The following CASP4 variants were observed in gnomAD, a reference collection of about 807,000 sequenced individuals.
CASP4 encodes caspase-4.
In CASP4, 29 loss-of-function variants were observed where a neutral mutation model predicts 41.3. The observed-to-expected ratio is 0.70, with a 90% CI of 0.52 to 0.96. The LOEUF (loss-of-function observed/expected upper bound fraction) is 0.96. Ranked by LOEUF, CASP4 falls within the 40% of genes least tolerant of loss-of-function variation. The pLI is 0.00. For synonymous variants in CASP4, 185 were observed against 158.4 expected (o/e 1.17, Z -1.26); for missense variants, 447 against 460.6 (o/e 0.97, Z 0.27).
intron 1 of CASP4, among the ~76,000 whole-genome samples, chr11:104,959,714 A>G (rs1160512256): frequency 6.6e-6 from 1 of 152,092 alleles, no homozygotes; most frequent in Non-Finnish European, 1.5e-5. Flanking sequence ...ATACTAGTAA[A>G]TAATACCTAT....
At chr11:104,961,360 C>G (rs1203559419) in intron 1 of CASP4, among the ~76,000 whole-genome samples, 1 of 152,200 alleles carries the variant, frequency 6.6e-6, no homozygotes, top group Admixed American at 6.5e-5. Context: ...CTTCTCCTGA[C>G]TGGTTCTGTG....
At chr11:104,944,368 C>CTCTCTGTG (rs1491122445) in intron 8 of CASP4, 15 of 141,322 alleles carry the variant, frequency 1.1e-4, no homozygotes, top group African/African-American at 3.8e-4. Flanking sequence ...CTCTCTCTCT[C>CTCTCTGTG]TGTGTGTGTG....
intron 1 of CASP4, among the ~76,000 whole-genome samples, chr11:104,967,790 C>A (rs1861008859): frequency 6.6e-6 from 1 of 152,140 alleles, no homozygotes; most frequent in Non-Finnish European, 1.5e-5. Flanking sequence ...CCAATTTCTT[C>A]CTTTTCCTGT....
In CASP4 at chr11:104,949,270, C is replaced by T. The variant is rs575200782; in HGVS notation, c.781+273G>A. ...AGCTATCATGAAAATGATTCCATTCCAAAGTTTGAGTATTTCTGTTTAACT... is the reference window on the plus strand; with the variant it reads ...AGCTATCATGAAAATGATTCCATTCTAAAGTTTGAGTATTTCTGTTTAACT... On this transcript the variant is annotated intron_variant, in intron 5 of 8. Transcript: ENST00000444739. 11 of 455,306 alleles carry T rather than the reference C, an allele frequency of 2.4e-5. 1 individual carries two copies. In the South Asian group the frequency reaches 3.6e-4, roughly 15 times the overall value. The allele number at this position is 455,306 out of a possible 1,614,324, so 28.2% of individuals were successfully genotyped here.
rs775312424 is a variant in CASP4 at position 104,951,979 on chromosome 11, G to A, written c.289C>T (p.Pro97Ser). 2 of 1,612,206 alleles carry A rather than the reference G, an allele frequency of 1.2e-6. No individual in the cohort carries two copies. The highest frequency in any genetic ancestry group is 1.3e-5 in the African/African-American group (1 of 74,936). The stretch of plus-strand genomic sequence containing the variant: ...GCATCTGTAGATTCTCCTGACTCAG[G>A]TGGTCCAGCCTCCATATTCGGATGA... ...KAHPNMEAGPPESGESTDALK... is the reference protein window; with the variant it reads ...KAHPNMEAGPSESGESTDALK... The change falls in exon 3 of 9, where the codon CCT (proline) becomes TCT (serine). Residue 97 changes from proline (P) to serine (S), a missense_variant. Coordinates refer to ENST00000444739, the MANE Select transcript of CASP4 (RefSeq NM_001225.4).
rs112900780 is a variant in CASP4, at chr11:104,954,754, A to T, written c.255T>A (p.Asn85Lys). Residue 85 changes from asparagine (N) to lysine (K), a missense_variant, in exon 2 of 9, where the codon AAT becomes AAA. Physicochemically the swap from Asn to Lys is moderately conservative, Grantham distance 94. Coordinates refer to ENST00000444739, the MANE Select transcript of CASP4 (RefSeq NM_001225.4). The part of the protein sequence containing the change: ...TFFNIDQISP[N>K]KKAHPNMEAG... ...TAAAAAATCCAGTCTTACCTTTTTT[A>T]TTGGGGGATATTTGGTCTATGTTAA... 4.3e-6 allele frequency: 7 copies of T among 1,611,028 alleles called. No homozygotes were observed. The South Asian group carries it at 7.7e-5, about 18-fold the overall frequency.
At chr11:104,945,849 T>G (rs1565363081) in intron 7 of CASP4, among the ~76,000 whole-genome samples, 2 of 151,968 alleles carry the variant, frequency 1.3e-5, no homozygotes, top group Non-Finnish European at 2.9e-5. Flanking sequence ...CTACTTTTCT[T>G]TCTTTTTCTT....
rs745951817 is a variant in CASP4 at position 104,948,533 on chromosome 11, G to A, written c.925C>T (p.His309Tyr). The A allele has an allele frequency of 9.4e-6, 15 of 1,598,200 alleles. No homozygotes were observed. The highest frequency in any genetic ancestry group is 2.7e-5 in the African/African-American group (2 of 74,596). Residue 309 changes from histidine to tyrosine, a missense_variant and splice_region_variant, in exon 6 of 9, where the codon CAC becomes TAC. By Grantham distance (83) the His-to-Tyr change is moderately conservative. Coordinates refer to ENST00000444739, the MANE Select transcript of CASP4 (RefSeq NM_001225.4). ...CTTACTGCCACTGAAAGATACATAC[G>A]TGGCGTTGAAGAGCAGAAAGCAATG... is the stretch of plus-strand genomic sequence containing the variant. ...DFIAFCSSTP[H>Y]NVSWRDSTMG...
rs2134629768 is a variant in CASP4, at chr11:104,944,358, CTCTCTCTCTCTGTG to C, written c.*5+376_*5+389del. 5 of 106,020 alleles carry C rather than the reference CTCTCTCTCTCTGTG, an allele frequency of 4.7e-5. No homozygotes were observed. The South Asian group carries it at 1.4e-3, about 31-fold the overall frequency. 6.6% of individuals were successfully genotyped at this position (106,020 alleles called of 1,614,324 possible). ...GGCTACTTAGTGTCTCTCTCTCTCTCTCTCTCTCTCTGTGTGTGTGTGTGTGTGTGTGTGTGTAA... is the reference window on the plus strand; with the variant it reads ...GGCTACTTAGTGTCTCTCTCTCTCTCTGTGTGTGTGTGTGTGTGTGTGTAA... On this transcript the variant is annotated intron_variant, in intron 8 of 8. Coordinates refer to ENST00000444739, the MANE Select transcript of CASP4 (RefSeq NM_001225.4).
chr11:104,963,391 A>G (rs917894211), intron 1 of CASP4, among the ~76,000 whole-genome samples: 1 of 152,204 alleles, frequency 6.6e-6, no homozygotes, highest in Non-Finnish European at 1.5e-5. Flanking sequence ...GAAACAAACA[A>G]AAAACCCTCT....
chr11:104,945,439 G>A (rs1450250503), intron 7 of CASP4, among the ~76,000 whole-genome samples: 1 of 151,984 alleles, frequency 6.6e-6, no homozygotes, highest in Non-Finnish European at 1.5e-5. Context: ...TGTATTTTTA[G>A]TAGAGACGTG....
rs1555069228 is a variant in CASP4, at chr11:104,944,366, CTCTGTG to C, written c.*5+376_*5+381del. ...AGTGTCTCTCTCTCTCTCTCTCTCT[CTCTGTG>C]TGTGTGTGTGTGTGTGTGTGTGTAA... On this transcript the variant is annotated intron_variant, in intron 8 of 8. Coordinates refer to ENST00000444739, the MANE Select transcript of CASP4 (RefSeq NM_001225.4). The C allele has an allele frequency of 5.9e-3, 627 of 106,392 alleles. 2 individuals are homozygous for C. In the South Asian group the frequency reaches 0.065, roughly 11 times the overall value. 6.6% of individuals were successfully genotyped at this position (106,392 alleles called of 1,614,324 possible). A position where few individuals can be genotyped will look rare whatever the true frequency, so the allele number is the denominator to read the frequency against.
chr11:104,951,482 C>A, intron 3 of CASP4: 1 of 248,246 alleles, frequency 4.0e-6, no homozygotes, highest in South Asian at 6.0e-5. Context: ...CTATTTTTAA[C>A]ACATAAATTT....
At chr11:104,944,424 TGA>T (rs1860403307) in intron 8 of CASP4, 1 of 257,690 alleles carries the variant, frequency 3.9e-6, no homozygotes, top group Non-Finnish European at 7.6e-6. Context: ...AGAAAGACTA[TGA>T]GAGATAAATG....
rs906787733 is a variant in CASP4, at chr11:104,942,952, G to A, written c.*27C>T. 2.2e-6 allele frequency: 1 copy of A among 455,664 alleles called. No homozygotes were observed. Among genetic ancestry groups the A allele is most frequent in the Non-Finnish European group, 4.4e-6 (1 of 226,918 alleles). The allele number at this position is 455,664 out of a possible 1,614,324, so 28.2% of individuals were successfully genotyped here. A position where few individuals can be genotyped will look rare whatever the true frequency, so the allele number is the denominator to read the frequency against. On this transcript the variant is annotated 3_prime_UTR_variant, in exon 9 of 9. Coordinates refer to ENST00000444739, the MANE Select transcript of CASP4 (RefSeq NM_001225.4). ...GGTGCTCCTTGAAGTTGATTAAGGA[G>A]GGCTGGGCTGCTTGTGGCTTCCTGC...
intron 1 of CASP4, among the ~76,000 whole-genome samples, chr11:104,967,066 A>G (rs1375718368): frequency 6.6e-6 from 1 of 152,232 alleles, no homozygotes; most frequent in East Asian, 1.9e-4. Context: ...CAATTAGAGG[A>G]AAAAACTTAT....
chr11:104,953,415 T>A (rs1267530317), intron 2 of CASP4, among the ~76,000 whole-genome samples: 1 of 152,166 alleles, frequency 6.6e-6, no homozygotes, highest in African/African-American at 2.4e-5. Context: ...TTCTGAAGCC[T>A]CTATTACTTC....
intron 1 of CASP4, among the ~76,000 whole-genome samples, chr11:104,958,335 T>G (rs1860781243): frequency 6.6e-6 from 1 of 151,928 alleles, no homozygotes; most frequent in Non-Finnish European, 1.5e-5. Context: ...ATCAAAAGAT[T>G]AAAGAGATAA....
intron 1 of CASP4, among the ~76,000 whole-genome samples, chr11:104,959,870 G>A (rs959955625): frequency 6.6e-6 from 1 of 152,014 alleles, no homozygotes; most frequent in African/African-American, 2.4e-5. Context: ...AATTCTAATT[G>A]TTCATTACTT....
Sources: allele counts gnomAD v4.1 joint callset (sites outside exome capture counted in the v4.1 genomes callset), GRCh38; gene constraint gnomAD v4.1.1; transcripts MANE v1.5; gene names NCBI Gene and HGNC (gene_info 2026-07-23, HGNC 2026-07-21).